Variants in MRTFB observed in about 807,000 individuals in gnomAD.
MRTFB encodes the protein myocardin related transcription factor B, also known as myocardin-related transcription factor B.
A neutral mutation model predicts 104.2 loss-of-function variants in MRTFB; 29 were observed. The observed-to-expected ratio is 0.28, with a 90% CI of 0.21 to 0.38. The LOEUF is 0.38. MRTFB is among the 10% of genes least tolerant of loss of function. The probability of loss-of-function intolerance (pLI) is 1.00; values close to 1 mark genes in which losing one functional copy is unlikely to be tolerated. For synonymous variants in MRTFB, 535 were observed against 519.5 expected, an observed-to-expected ratio of 1.03 and a Z score of -0.41; for missense variants, 1,270 against 1,341.6, an observed-to-expected ratio of 0.95 and a Z score of 0.83.
At chr16:14,007,234 G>A in the MRTFB span, among the ~76,000 whole-genome samples, 1 of 152,022 alleles carries the variant, frequency 6.6e-6, no homozygotes, top group Non-Finnish European at 1.5e-5. Flanking sequence ...TCCTCTCTTG[G>A]CAACTCCTAA....
intron 3 of MRTFB, among the ~76,000 whole-genome samples, chr16:14,185,676 GA>G (rs549782681): frequency 8.5e-4 from 115 of 135,076 alleles, no homozygotes; most frequent in Admixed American, 1.3e-3. Context: ...AAGTTATTTT[GA>G]AAAAAAAAAA....
chr16:14,092,664 C>T (rs1460947929), intron 2 of MRTFB: 2 of 152,074 alleles, frequency 1.3e-5, no homozygotes, highest in Non-Finnish European at 2.9e-5. Flanking sequence ...AAGACAGATT[C>T]TATTTCCTTT....
At chr16:14,005,065 C>G in the MRTFB span, among the ~76,000 whole-genome samples, 1 of 152,260 alleles carries the variant, frequency 6.6e-6, no homozygotes, top group African/African-American at 2.4e-5. Flanking sequence ...AAGGCTACAT[C>G]CAGATCCTCA....
chr16:14,228,689 A>C (rs2042119509), intron 8 of MRTFB, among the ~76,000 whole-genome samples: 1 of 152,250 alleles, frequency 6.6e-6, no homozygotes, highest in African/African-American at 2.4e-5. Context: ...CCACTGCCAG[A>C]TGAATGGATA....
At chr16:14,189,139 A>G (rs1343759295) in intron 3 of MRTFB, among the ~76,000 whole-genome samples, 1 of 152,208 alleles carries the variant, frequency 6.6e-6, no homozygotes, top group African/African-American at 2.4e-5. Flanking sequence ...TGCTGCTTCA[A>G]AGTTAGTGAC....
At chr16:14,068,689 G>A (rs1388236376), upstream of MRTFB, among the ~76,000 whole-genome samples, 1 of 152,182 alleles carries the variant, frequency 6.6e-6, no homozygotes, top group Non-Finnish European at 1.5e-5. Flanking sequence ...AACTTCCACA[G>A]GGGATTTGTG....
intron 9 of MRTFB, among the ~76,000 whole-genome samples, chr16:14,234,709 C>T (rs781440116): frequency 2.0e-5 from 3 of 152,030 alleles, no homozygotes; most frequent in Non-Finnish European, 2.9e-5. Context: ...GCAAGAGGAT[C>T]ACTTGAGCCC....
At chr16:13,998,442 A>T in the MRTFB span, among the ~76,000 whole-genome samples, 1 of 152,148 alleles carries the variant, frequency 6.6e-6, no homozygotes, top group Non-Finnish European at 1.5e-5. Context: ...TGAGGTCAAG[A>T]GTTCAAGACC....
At chr16:14,244,018 C>T (rs1463964143) in intron 10 of MRTFB, among the ~76,000 whole-genome samples, 2 of 152,022 alleles carry the variant, frequency 1.3e-5, no homozygotes, top group African/African-American at 4.8e-5. Flanking sequence ...GCTGGGGCTA[C>T]AGGCGCCCGC....
At chr16:14,047,616 A>C in the MRTFB span, among the ~76,000 whole-genome samples, 1 of 152,234 alleles carries the variant, frequency 6.6e-6, no homozygotes, top group South Asian at 2.1e-4. Flanking sequence ...GGCAAAAGGC[A>C]TGTCTTACAT....
At chr16:14,244,315 C>G (rs1041433856) in intron 10 of MRTFB, among the ~76,000 whole-genome samples, 4 of 152,086 alleles carry the variant, frequency 2.6e-5, no homozygotes, top group African/African-American at 4.8e-5. Flanking sequence ...TGGGTTGCTT[C>G]CAGTTGGGGC....
chr16:14,044,903 T>G, the MRTFB span, among the ~76,000 whole-genome samples: 1 of 152,272 alleles, frequency 6.6e-6, no homozygotes, highest in South Asian at 2.1e-4. Context: ...CCACAGTTGC[T>G]GGGTCTACAA....
chr16:14,089,406 A>T lies in MRTFB; in HGVS notation c.-64+10052A>T, dbSNP rs1258725329. ...GCCATGTAAATGGAATCATAAAAAT[A>T]TGTGACCTTTTGTGTCTGGCTTTTT... On this transcript the variant is annotated intron_variant, in intron 2 of 16. Transcript: ENST00000571589. 2.6e-5 allele frequency among the ~76,000 whole-genome samples: 4 copies of T among 152,216 alleles called. No homozygotes were observed. In the South Asian group the frequency reaches 8.3e-4, roughly 31 times the overall value.
chr16:14,154,298 G>A (rs763493962), intron 3 of MRTFB, among the ~76,000 whole-genome samples: 2 of 152,160 alleles, frequency 1.3e-5, no homozygotes, highest in Non-Finnish European at 2.9e-5. Flanking sequence ...TCACACTACT[G>A]CACTCTAGCC....
At chr16:14,012,097 G>T in the MRTFB span, among the ~76,000 whole-genome samples, 4 of 152,072 alleles carry the variant, frequency 2.6e-5, no homozygotes, top group Non-Finnish European at 2.9e-5. Context: ...AGTGCAGGCA[G>T]CCTCCAGAGG....
chr16:14,076,334 A>G (rs2034050550), intron 1 of MRTFB, among the ~76,000 whole-genome samples: 1 of 152,018 alleles, frequency 6.6e-6, no homozygotes, highest in Non-Finnish European at 1.5e-5. Flanking sequence ...TTGGGACTAC[A>G]GGTGCATGTG....
intron 3 of MRTFB, among the ~76,000 whole-genome samples, chr16:14,171,275 C>T (rs1457211791): frequency 6.6e-6 from 1 of 152,120 alleles, no homozygotes; most frequent in Non-Finnish European, 1.5e-5. Flanking sequence ...TCTTAGTAGA[C>T]AGAAATAGAA....
At chr16:14,148,061 T>C (rs1359895534) in intron 3 of MRTFB, among the ~76,000 whole-genome samples, 1 of 152,238 alleles carries the variant, frequency 6.6e-6, no homozygotes, top group Non-Finnish European at 1.5e-5. Context: ...GTCATTTATA[T>C]TACACATTGG....
chr16:14,217,557 T>C (rs1410676975), intron 7 of MRTFB, among the ~76,000 whole-genome samples: 1 of 152,240 alleles, frequency 6.6e-6, no homozygotes, highest in Non-Finnish European at 1.5e-5. Context: ...TCTTTAGGAC[T>C]GCATGGAATC....
Sources: gnomAD v4.1 joint callset for allele counts (sites outside exome capture counted in the v4.1 genomes callset) on GRCh38, gnomAD v4.1.1 for gene constraint, MANE v1.5 for transcripts, NCBI Gene and HGNC (gene_info 2026-07-23, HGNC 2026-07-21) for gene names.